FBN2: variants seen among roughly 807,000 people sequenced by gnomAD.
FBN2 encodes the protein fibrillin-2.
A neutral mutation model predicts 355.6 loss-of-function variants in FBN2; 105 were observed. The observed-to-expected ratio is 0.30, with a 90% confidence interval of 0.25 to 0.35. The LOEUF (loss-of-function observed/expected upper bound fraction) is 0.35. FBN2 is among the 10% of genes least tolerant of loss of function. The pLI, the probability that FBN2 is intolerant of heterozygous loss-of-function variation, is 1.00. For missense variants in FBN2, 3,280 were observed against 3,758.7 expected (o/e 0.87, Z 3.33); for synonymous variants, 1,350 against 1,301.2 (o/e 1.04, Z -0.81).
At chr5:128,348,273 T>C (rs1258927706) in intron 23 of FBN2, among the ~76,000 whole-genome samples, 1 of 152,130 alleles carries the variant, frequency 6.6e-6, no homozygotes, top group Non-Finnish European at 1.5e-5. Flanking sequence ...TGGGGGAATA[T>C]TTTGTCATTT....
At chr5:128,261,933 T>TA (rs1208293429) in intron 63 of FBN2, 26 bp from the exon 64 acceptor site, 1 of 1,601,654 alleles carries the variant, frequency 6.2e-7, no homozygotes, top group South Asian at 1.1e-5. Context: ...AAAGTATTGT[T>TA]AGACTTTATC....
chr5:128,514,460 A>G lies in FBN2; in HGVS notation c.628+4813T>C, dbSNP rs545041521. ...TGTAAAGTAGATGACTAGTTTTTCA[A>G]TAATTTGCTTCTCATTAATAAGAAG... On this transcript the variant is annotated intron_variant, in intron 5 of 64. Coordinates refer to ENST00000262464, the MANE Select transcript of FBN2 (RefSeq NM_001999.4). Among the ~76,000 whole-genome samples the G allele has an allele frequency of 4.6e-5, 7 of 152,282 alleles. No homozygotes were observed. The South Asian group carries it at 8.3e-4, about 18-fold the overall frequency.
intron 3 of FBN2, among the ~76,000 whole-genome samples, chr5:128,530,240 G>A (rs1424048851): frequency 2.6e-5 from 4 of 152,100 alleles, no homozygotes; most frequent in Non-Finnish European, 4.4e-5. Context: ...AAAGTATGTG[G>A]TCAGTACTCA....
rs1470483330 is a variant in FBN2 at position 128,335,924 on chromosome 5, G to A, written c.3724+64C>T. The A allele has an allele frequency of 3.8e-6, 6 of 1,569,930 alleles. No individual in the cohort carries two copies. In the Admixed American group the frequency reaches 5.2e-5, roughly 13 times the overall value. On this transcript the variant is annotated intron_variant, in intron 28 of 64. Coordinates refer to ENST00000262464, the MANE Select transcript of FBN2 (RefSeq NM_001999.4). ...TGCATAGCCTTCATTATAATTCAGC[G>A]CCAAAAGTTTTCCTAGGCTGATTTG...
At chr5:128,524,602 C>T (rs1467252522) in intron 4 of FBN2, among the ~76,000 whole-genome samples, 2 of 152,066 alleles carry the variant, frequency 1.3e-5, no homozygotes, top group African/African-American at 4.8e-5. Flanking sequence ...ATCCTATTTC[C>T]AAGACTTTTC....
intron 21 of FBN2, 103 bp downstream of exon 21, chr5:128,350,765 A>G: frequency 7.6e-7 from 1 of 1,318,090 alleles, no homozygotes; most frequent in Non-Finnish European, 1.1e-6. Flanking sequence ...AAAGTAAATG[A>G]TCTCTGACCT....
chr5:128,272,063 C>A lies in FBN2; in HGVS notation c.7896G>T (p.Leu2632=). 1 of 1,614,018 alleles carries A rather than the reference C, an allele frequency of 6.2e-7. No individual in the cohort carries two copies. Among genetic ancestry groups the A allele is most frequent in the Non-Finnish European group, 8.5e-7 (1 of 1,179,950 alleles). ...GGGGGCAGCCACATCTGTAGCCACC[C>A]AGGATGTTCTGGCAGCCGTGTTGGC... ...HRCQHGCQNI[L]GGYRCGCPQG... The change falls in exon 62 of 65, where the codon CTG becomes CTT. Residue 2632 remains leucine, a synonymous_variant. Coordinates refer to ENST00000262464, the MANE Select transcript of FBN2 (RefSeq NM_001999.4).
chr5:128,261,599 A>G (rs1210072543), intron 64 of FBN2, 137 bp downstream of exon 64: 2 of 793,008 alleles, frequency 2.5e-6, no homozygotes, highest in Admixed American at 1.8e-5. Context: ...TGTCTTTTCC[A>G]TACTGGGTCC....
chr5:128,463,412 T>C (rs1375093807), intron 6 of FBN2, among the ~76,000 whole-genome samples: 2 of 152,106 alleles, frequency 1.3e-5, no homozygotes, highest in African/African-American at 4.8e-5. Flanking sequence ...AAAGAACTAT[T>C]CTAAGTCCAC....
intron 35 of FBN2, among the ~76,000 whole-genome samples, chr5:128,318,597 T>C (rs963828480): frequency 1.3e-5 from 2 of 151,820 alleles, no homozygotes; most frequent in Non-Finnish European, 2.9e-5. Context: ...TATATACATG[T>C]ACTATATATA....
intron 33 of FBN2, among the ~76,000 whole-genome samples, 192 bp downstream of exon 33, chr5:128,330,378 CCAA>C (rs1319070177): frequency 2.0e-5 from 3 of 152,106 alleles, no homozygotes; most frequent in African/African-American, 7.2e-5. Flanking sequence ...TTGAAAACTT[CCAA>C]CAATATATTT....
intron 32 of FBN2, among the ~76,000 whole-genome samples, chr5:128,331,450 C>A (rs1327432883): frequency 2.0e-5 from 3 of 152,018 alleles, no homozygotes; most frequent in Non-Finnish European, 4.4e-5. Context: ...GCAGAATGCA[C>A]CAGACAGAGG....
At chr5:128,277,831 G>C (rs1000679210) in intron 58 of FBN2, 49 bp downstream of exon 58, 53 of 1,604,300 alleles carry the variant, frequency 3.3e-5, no homozygotes, top group Non-Finnish European at 3.8e-5. Flanking sequence ...GCAGGAAACA[G>C]TAGCTGATTA....
chr5:128,503,362 G>A (rs1755866837), intron 5 of FBN2, among the ~76,000 whole-genome samples: 1 of 152,196 alleles, frequency 6.6e-6, no homozygotes, highest in South Asian at 2.1e-4. Flanking sequence ...GTGGGGTGGT[G>A]CTGTAAAGAC....
At chr5:128,350,703 T>A (rs1409583365) in intron 21 of FBN2, among the ~76,000 whole-genome samples, 165 bp downstream of exon 21, 1 of 152,154 alleles carries the variant, frequency 6.6e-6, no homozygotes, top group African/African-American at 2.4e-5. Flanking sequence ...ATAAAACAAA[T>A]ACACATTTTA....
At chr5:128,487,528 C>T (rs1219755179) in intron 5 of FBN2, among the ~76,000 whole-genome samples, 2 of 152,214 alleles carry the variant, frequency 1.3e-5, no homozygotes, top group Non-Finnish European at 2.9e-5. Context: ...TCACAATACA[C>T]ATTTTTAAAA....
chr5:128,499,849 T>C (rs567555610), intron 5 of FBN2, among the ~76,000 whole-genome samples: 5 of 152,250 alleles, frequency 3.3e-5, no homozygotes, highest in African/African-American at 9.6e-5. Flanking sequence ...GTACTTTGTG[T>C]GCTATTTCTA....
chr5:128,269,122 C>A (rs1026134938), intron 62 of FBN2, among the ~76,000 whole-genome samples: 2 of 151,928 alleles, frequency 1.3e-5, no homozygotes, highest in Non-Finnish European at 2.9e-5. Context: ...ACTTAGAAAA[C>A]CCCATCATCT....
intron 44 of FBN2, 67 bp from the exon 45 acceptor site, chr5:128,305,149 TTG>T: frequency 7.4e-7 from 1 of 1,357,398 alleles, no homozygotes; most frequent in South Asian, 1.2e-5. Flanking sequence ...TTTTTCACAG[TTG>T]TGTTTCTCTA....
Sources: gnomAD v4.1 joint callset for allele counts (sites outside exome capture counted in the v4.1 genomes callset) on GRCh38, gnomAD v4.1.1 for gene constraint, MANE v1.5 for transcripts, NCBI Gene and HGNC (gene_info 2026-07-23, HGNC 2026-07-21) for gene names.